Variants in LRRFIP2 observed in about 807,000 individuals in gnomAD.
The protein encoded by LRRFIP2 is leucine-rich repeat flightless-interacting protein 2.
Under a neutral mutation model 125.9 loss-of-function variants are expected in LRRFIP2, and 109 were observed. The observed-to-expected ratio is 0.87, with a 90% CI of 0.74 to 1.01. The LOEUF (loss-of-function observed/expected upper bound fraction) is 1.01. Ranked by LOEUF, LRRFIP2 falls within the 50% of genes least tolerant of loss-of-function variation. The pLI is 0.00. For synonymous variants in LRRFIP2, 291 were observed against 293.1 expected (o/e 0.99, Z 0.07); for missense variants, 850 against 862.3 (o/e 0.99, Z 0.18).
intron 19 of LRRFIP2, among the ~76,000 whole-genome samples, chr3:37,075,672 A>T (rs1241733857): frequency 6.6e-6 from 1 of 152,170 alleles, no homozygotes; most frequent in African/African-American, 2.4e-5. Context: ...ACAAATAAAA[A>T]TACCATCAGG....
Position 37,112,995 on chromosome 3 carries a change from T to C in LRRFIP2, c.373-15A>G. The C allele has an allele frequency of 6.7e-7, 1 of 1,499,504 alleles. No individual in the cohort carries two copies. Among genetic ancestry groups the C allele is most frequent in the Non-Finnish European group, 9.2e-7 (1 of 1,088,740 alleles). The allele number at this position is 1,499,504 out of a possible 1,614,324, so 92.9% of individuals were successfully genotyped here. On this transcript the variant is annotated splice_polypyrimidine_tract_variant and intron_variant, in intron 7 of 27. Transcript: ENST00000336686. ...TAAGAATGATTCTGGAAGTAAATAT[T>C]CCAAGTTAACTTCAATGATTGCATA...
intron 13 of LRRFIP2, among the ~76,000 whole-genome samples, chr3:37,105,894 G>A (rs1371035022): frequency 1.5e-4 from 23 of 152,062 alleles, no homozygotes; most frequent in Non-Finnish European, 2.9e-5. Flanking sequence ...GTGAAACCCC[G>A]TCTCTACTAA....
chr3:37,119,839 TA>T (rs1210391474), intron 6 of LRRFIP2, among the ~76,000 whole-genome samples: 1 of 151,894 alleles, frequency 6.6e-6, no homozygotes, highest in East Asian at 1.9e-4. Context: ...TTTGTATTTT[TA>T]GTAGAGACAG....
At chr3:37,086,151 C>T (rs1559773661) in intron 18 of LRRFIP2, among the ~76,000 whole-genome samples, 1 of 152,128 alleles carries the variant, frequency 6.6e-6, no homozygotes, top group Non-Finnish European at 1.5e-5. Context: ...GGAAAATGCA[C>T]ATCGAAACCA....
intron 25 of LRRFIP2, among the ~76,000 whole-genome samples, chr3:37,057,510 G>A (rs2087220739): frequency 6.6e-6 from 1 of 150,902 alleles, no homozygotes; most frequent in South Asian, 2.1e-4. Flanking sequence ...GTATTAATAA[G>A]CCTTAACCCA....
In LRRFIP2 at chr3:37,135,073, T is replaced by C. The variant is rs2095523630; in HGVS notation, c.91-5924A>G. ...ACAGACGTAAAAGTACAACAGAATATCTCGGGAATGGACTCAGAAGAATGC... is the reference window on the plus strand; with the variant it reads ...ACAGACGTAAAAGTACAACAGAATACCTCGGGAATGGACTCAGAAGAATGC... On this transcript the variant is annotated intron_variant, in intron 2 of 27. Transcript: ENST00000336686. 2.2e-6 allele frequency: 3 copies of C among 1,384,700 alleles called. No homozygotes were observed. The South Asian group carries it at 3.5e-5, about 16-fold the overall frequency. The allele number at this position is 1,384,700 out of a possible 1,614,324, so 85.8% of individuals were successfully genotyped here. A position where few individuals can be genotyped will look rare whatever the true frequency, so the allele number is the denominator to read the frequency against.
intron 1 of LRRFIP2, among the ~76,000 whole-genome samples, chr3:37,151,653 A>G (rs2096030272): frequency 1.3e-5 from 2 of 148,188 alleles, no homozygotes; most frequent in Admixed American, 6.8e-5. Context: ...GCTAGAGTGC[A>G]GTGGTACAAT....
At chr3:37,063,958 C>A in intron 23 of LRRFIP2, 167 bp from the exon 24 acceptor site, 1 of 575,364 alleles carries the variant, frequency 1.7e-6, no homozygotes, top group East Asian at 2.9e-5. Context: ...CAGAAAAGTT[C>A]TTAACTATCT....
rs559111042 is a variant in LRRFIP2 at position 37,066,389 on chromosome 3, G to A, written c.1465-64C>T. 1.7e-4 allele frequency: 206 copies of A among 1,215,544 alleles called. 1 individual carries two copies. The East Asian group carries it at 4.8e-3, about 28-fold the overall frequency. 75.3% of individuals were successfully genotyped at this position (1,215,544 alleles called of 1,614,324 possible). ...GAAAAAGAGCAGGTGAAAGGTAGCA[G>A]AGAAGTACCTAATTCAAATAAGCAA... On this transcript the variant is annotated intron_variant, in intron 21 of 27. Transcript: ENST00000336686.
At chr3:37,055,692 G>T (rs2086639421) in intron 25 of LRRFIP2, among the ~76,000 whole-genome samples, 1 of 152,176 alleles carries the variant, frequency 6.6e-6, no homozygotes, top group South Asian at 2.1e-4. Flanking sequence ...ATCCCTTGCA[G>T]CAAGAGTTAG....
chr3:37,121,350 C>T, intron 6 of LRRFIP2, 142 bp downstream of exon 6: 1 of 694,706 alleles, frequency 1.4e-6, no homozygotes, highest in Non-Finnish European at 2.4e-6. Flanking sequence ...CATCATTTTC[C>T]AATGAAAGGT....
At chr3:37,159,679 G>A (rs1483499392) in intron 1 of LRRFIP2, among the ~76,000 whole-genome samples, 1 of 151,792 alleles carries the variant, frequency 6.6e-6, no homozygotes, top group Non-Finnish European at 1.5e-5. Flanking sequence ...GCTAATTTTT[G>A]TATTTTTAAT....
chr3:37,109,458 A>G (rs1269807839), intron 11 of LRRFIP2, 69 bp downstream of exon 11: 4 of 1,532,144 alleles, frequency 2.6e-6, no homozygotes, highest in Non-Finnish European at 2.7e-6. Flanking sequence ...AAAGCTGTCA[A>G]GCCATAGAGT....
At chr3:37,131,753 C>A (rs2095433528) in intron 2 of LRRFIP2, among the ~76,000 whole-genome samples, 1 of 152,202 alleles carries the variant, frequency 6.6e-6, no homozygotes. Flanking sequence ...AGTATGACAT[C>A]TCTGCCCTAA....
At chr3:37,110,909 G>T (rs1405293681) in intron 9 of LRRFIP2, 82 bp downstream of exon 9, 56 of 1,266,828 alleles carry the variant, frequency 4.4e-5, no homozygotes, top group Non-Finnish European at 6.0e-5. Context: ...ATTAGTTACA[G>T]CTAGTCAAAA....
intron 1 of LRRFIP2, among the ~76,000 whole-genome samples, chr3:37,163,996 C>T (rs942580840): frequency 6.6e-6 from 1 of 152,070 alleles, no homozygotes; most frequent in Admixed American, 6.5e-5. Flanking sequence ...CTCTATAGTT[C>T]ACAACTAATT....
In LRRFIP2 at chr3:37,107,965, T is replaced by C. The variant is rs141893750; in HGVS notation, c.714+108A>G. The C allele has an allele frequency of 6.2e-3, 5,285 of 859,006 alleles. 27 individuals are homozygous for C. Among genetic ancestry groups the C allele is most frequent in the Middle Eastern group, 0.011 (48 of 4,430 alleles). The allele number at this position is 859,006 out of a possible 1,614,324, so 53.2% of individuals were successfully genotyped here. A position where few individuals can be genotyped will look rare whatever the true frequency, so the allele number is the denominator to read the frequency against. ...ATGTACTAAGGGAACACCTAATCCA[T>C]GCACAACAAAGTGAATCACACCATA... is the stretch of plus-strand genomic sequence containing the variant. On this transcript the variant is annotated intron_variant, in intron 13 of 27. Coordinates refer to ENST00000336686, the MANE Select transcript of LRRFIP2 (RefSeq NM_006309.4).
chr3:37,109,593 A>C (rs1559885042), intron 10 of LRRFIP2, 22 bp from the exon 11 acceptor site: 1 of 1,614,060 alleles, frequency 6.2e-7, no homozygotes, highest in Non-Finnish European at 8.5e-7. Context: ...GTGTATTATT[A>C]AACCCCAAAA....
chr3:37,175,944 C>G (rs1045130354), upstream of LRRFIP2: 1 of 152,192 alleles, frequency 6.6e-6, no homozygotes, highest in African/African-American at 2.4e-5. Flanking sequence ...GGAAGCCCGG[C>G]CCCCTAGCCG....
Sources: gnomAD v4.1 joint callset for allele counts (sites outside exome capture counted in the v4.1 genomes callset) on GRCh38, gnomAD v4.1.1 for gene constraint, MANE v1.5 for transcripts, NCBI Gene and HGNC (gene_info 2026-07-23, HGNC 2026-07-21) for gene names.